Variants in P4HA2 observed in about 807,000 individuals in gnomAD.
P4HA2 encodes prolyl 4-hydroxylase subunit alpha-2.
A neutral mutation model predicts 76.9 loss-of-function variants in P4HA2; 46 were observed. That is an observed-to-expected ratio of 0.60 (90% confidence interval 0.47 to 0.76). P4HA2 has a LOEUF of 0.76. P4HA2 is among the 30% of genes least tolerant of loss of function. The probability of loss-of-function intolerance (pLI) is 0.00; values close to 1 mark genes in which losing one functional copy is unlikely to be tolerated. For synonymous variants in P4HA2, 243 were observed against 254.0 expected, an observed-to-expected ratio of 0.96 and a Z score of 0.41; for missense variants, 583 against 669.4, an observed-to-expected ratio of 0.87 and a Z score of 1.42.
At chr5:132,198,134 T>C in intron 12 of P4HA2, 187 bp downstream of exon 12, 1 of 1,603,340 alleles carries the variant, frequency 6.2e-7, no homozygotes, top group Non-Finnish European at 8.5e-7. Context: ...TCAGCCCTGA[T>C]GGGGGTGGGA....
intron 5 of P4HA2, among the ~76,000 whole-genome samples, chr5:132,213,516 G>A (rs925516793): frequency 2.0e-5 from 3 of 152,182 alleles, no homozygotes; most frequent in African/African-American, 7.2e-5. Flanking sequence ...GAATGTATAG[G>A]AGCAGAGACT....
At position 132,198,420 on chromosome 5, in the gene P4HA2, C is replaced by T. The variant is rs1580655029; in HGVS notation, c.1306-40G>A. On this transcript the variant is annotated intron_variant, in intron 11 of 14. Coordinates refer to ENST00000360568, the MANE Select transcript of P4HA2 (RefSeq NM_001017974.2). ...AACTTTCACCCAAGTTTACAACAGG[C>T]TTCATCCACCACCCACAAGACTAGG... 2.5e-6 allele frequency: 4 copies of T among 1,583,560 alleles called. No individual in the cohort carries two copies. The East Asian group carries it at 9.0e-5, about 35-fold the overall frequency.
rs539668103 is a variant in P4HA2, at chr5:132,211,539, C to G, written c.470-1016G>C. On this transcript the variant is annotated intron_variant, in intron 5 of 14. Transcript: ENST00000360568. ...TTCAGAGACCAGGGTCTGCTAACCC[C>G]GGTGGCTCAGGAACCAATAACGAGG... Among the ~76,000 whole-genome samples the G allele has an allele frequency of 5.3e-4, 81 of 152,196 alleles. 2 individuals are homozygous for G. Among genetic ancestry groups the G allele is most frequent in the Admixed American group, 6.5e-5 (1 of 15,282 alleles).
chr5:132,211,381 T>C (rs1395030845), intron 5 of P4HA2, among the ~76,000 whole-genome samples: 2 of 152,184 alleles, frequency 1.3e-5, no homozygotes, highest in Admixed American at 6.5e-5. Context: ...AAGTGGGGGC[T>C]GTGACTCTCC....
rs560025148 is a variant in P4HA2 at position 132,220,609 on chromosome 5, T to C, written c.-18-1965A>G. Among the ~76,000 whole-genome samples, 6 of 152,334 alleles carry C rather than the reference T, an allele frequency of 3.9e-5. No individual in the cohort carries two copies. In the South Asian group the frequency reaches 1.2e-3, roughly 32 times the overall value. On this transcript the variant is annotated intron_variant, in intron 1 of 14. Transcript: ENST00000360568. ...TTCCTTTCAAATCATTCTGCTCCTA[T>C]CATCTACGGTTCATACCTCACAACA...
At position 132,210,272 on chromosome 5, in the gene P4HA2, G is replaced by T; in HGVS notation, c.709+12C>A. 6.2e-7 allele frequency: 1 copy of T among 1,613,826 alleles called. No homozygotes were observed. The highest frequency in any genetic ancestry group is 8.5e-7 in the Non-Finnish European group (1 of 1,179,838). ...TCCATTCCCATCTTACCTTCCCCTA[G>T]AATCTCCTTACCAAGGGAGAGCAGG... On this transcript the variant is annotated intron_variant, in intron 6 of 14. Coordinates refer to ENST00000360568, the MANE Select transcript of P4HA2 (RefSeq NM_001017974.2).
Position 132,192,860 on chromosome 5 carries a change from G to A in P4HA2, c.*150C>T, listed in dbSNP as rs928735542. ...AAGGGCTGGGACTTCAGTCACACAGGAGTCGCCCTAGTATGGTCTCCCTCT... is the reference window on the plus strand; with the variant it reads ...AAGGGCTGGGACTTCAGTCACACAGAAGTCGCCCTAGTATGGTCTCCCTCT... On this transcript the variant is annotated 3_prime_UTR_variant, in exon 15 of 15. Coordinates refer to ENST00000360568, the MANE Select transcript of P4HA2 (RefSeq NM_001017974.2). 3 of 616,774 alleles carry A rather than the reference G, an allele frequency of 4.9e-6. No individual in the cohort carries two copies. The highest frequency in any genetic ancestry group is 5.2e-5 in the Admixed American group (2 of 38,262). The allele number at this position is 616,774 out of a possible 1,614,324, so 38.2% of individuals were successfully genotyped here. A position where few individuals can be genotyped will look rare whatever the true frequency, so the allele number is the denominator to read the frequency against.
chr5:132,215,850 T>TAAAAAAAAA (rs539378974), intron 4 of P4HA2, among the ~76,000 whole-genome samples: 3 of 81,898 alleles, frequency 3.7e-5, no homozygotes, highest in Non-Finnish European at 6.5e-5. Flanking sequence ...CCTGTCCCTT[T>TAAAAAAAAA]AAAAAAAAAA....
chr5:132,193,107 A>C (rs1193024051), intron 14 of P4HA2, 27 bp from the exon 15 acceptor site: 6 of 1,555,940 alleles, frequency 3.9e-6, no homozygotes, highest in African/African-American at 1.4e-5. Context: ...AGCATGTTAC[A>C]ATCCTATTGG....
intron 5 of P4HA2, among the ~76,000 whole-genome samples, chr5:132,211,495 T>C (rs1753078278): frequency 6.6e-6 from 1 of 152,184 alleles, no homozygotes; most frequent in Non-Finnish European, 1.5e-5. Context: ...ATGAAACCAC[T>C]ACACAGTAGG....
chr5:132,207,913 G>A (rs1478688036), intron 7 of P4HA2, 29 bp from the exon 8 acceptor site: 1 of 1,523,744 alleles, frequency 6.6e-7, no homozygotes, highest in East Asian at 2.3e-5. Context: ...CAGGCCCTGA[G>A]CTGAGTGAGT....
At chr5:132,218,695 A>C in intron 1 of P4HA2, 51 bp from the exon 2 acceptor site, 1 of 1,144,444 alleles carries the variant, frequency 8.7e-7, no homozygotes, top group Non-Finnish European at 1.3e-6. Context: ...AAAAAGACTA[A>C]TTTAGGTGAG....
rs375528866 is a variant in P4HA2 at position 132,213,897 on chromosome 5, G to A, written c.469+19C>T. 2.4e-5 allele frequency: 39 copies of A among 1,613,182 alleles called. No individual in the cohort carries two copies. In the East Asian group the frequency reaches 4.5e-4, roughly 18 times the overall value. On this transcript the variant is annotated intron_variant, in intron 5 of 14. Coordinates refer to ENST00000360568, the MANE Select transcript of P4HA2 (RefSeq NM_001017974.2). ...AAGAGACACATGCGGGACAGGCAAC[G>A]CCTGGAGTGGTGAGTTACCTGGAAG...
intron 6 of P4HA2, 149 bp from the exon 7 acceptor site, chr5:132,209,480 C>T (rs1413636967): frequency 1.0e-5 from 7 of 698,712 alleles, no homozygotes; most frequent in South Asian, 9.2e-5. Flanking sequence ...GTACGCTGGT[C>T]GTAACTGGAA....
intron 5 of P4HA2, among the ~76,000 whole-genome samples, chr5:132,213,019 GC>G (rs979865885): frequency 6.6e-6 from 1 of 152,206 alleles, no homozygotes; most frequent in Non-Finnish European, 1.5e-5. Flanking sequence ...GTCTCCAGCA[GC>G]CCTCAAAACA....
intron 4 of P4HA2, among the ~76,000 whole-genome samples, chr5:132,216,952 A>G (rs1299547977): frequency 2.0e-5 from 3 of 152,224 alleles, no homozygotes; most frequent in Non-Finnish European, 4.4e-5. Flanking sequence ...AAAAAATAAG[A>G]AAAGACAGAC....
chr5:132,225,278 C>A (rs77940798), intron 1 of P4HA2, among the ~76,000 whole-genome samples: 3,527 of 152,248 alleles, frequency 0.023, 178 homozygotes, highest in East Asian at 0.2. Flanking sequence ...GCTTTTCCTG[C>A]CAACTTCCAT....
Position 132,216,340 on chromosome 5 carries a change from A to G in P4HA2, c.331+857T>C, listed in dbSNP as rs545885379. ...ACCAAGTATAGTTTAAAGCTTTTAA[A>G]AAGTTCACACTCTCATCGGTAATAT... is the stretch of plus-strand genomic sequence containing the variant. On this transcript the variant is annotated intron_variant, in intron 4 of 14. Transcript: ENST00000360568. Among the ~76,000 whole-genome samples, 5 of 152,302 alleles carry G rather than the reference A, an allele frequency of 3.3e-5. No individual in the cohort carries two copies. In the East Asian group the frequency reaches 9.6e-4, roughly 29 times the overall value.
In P4HA2 at chr5:132,217,197, C is replaced by T. The variant is rs1754027794; in HGVS notation, c.331G>A (p.Gly111Ser). Residue 111 changes from glycine (G) to serine (S), a missense_variant and splice_region_variant, in exon 4 of 15, where the codon GGT (glycine) becomes AGT (serine). Gly to Ser is a moderately conservative substitution (Grantham distance 56). Coordinates refer to ENST00000360568, the MANE Select transcript of P4HA2 (RefSeq NM_001017974.2). ...EDLVLQDSAA[G>S]FIANLSVQRQ... The stretch of plus-strand genomic sequence containing the variant: ...CAAGCACCTGCTCACCGTCCCTCAC[C>T]TGCAGCTGAGTCCTGCAGGACAAGG... 6.2e-7 allele frequency: 1 copy of T among 1,613,940 alleles called. No individual in the cohort carries two copies. Among genetic ancestry groups the T allele is most frequent in the African/African-American group, 1.3e-5 (1 of 75,054 alleles).
Sources: gnomAD v4.1 joint callset for allele counts (sites outside exome capture counted in the v4.1 genomes callset) on GRCh38, gnomAD v4.1.1 for gene constraint, MANE v1.5 for transcripts, NCBI Gene and HGNC (gene_info 2026-07-23, HGNC 2026-07-21) for gene names.